EHMT1: variants seen among roughly 807,000 people sequenced by gnomAD.
EHMT1 encodes euchromatic histone lysine methyltransferase 1, also known as histone-lysine N-methyltransferase EHMT1.
A neutral mutation model predicts 147.2 loss-of-function variants in EHMT1; 15 were observed. The ratio of observed to expected loss-of-function variants is 0.10; its 90% CI spans 0.07 to 0.16. EHMT1 has a LOEUF of 0.16. EHMT1 is among the 10% of genes least tolerant of loss of function. EHMT1 has a pLI of 1.00. For missense variants in EHMT1, 1,587 were observed against 1,772.4 expected (o/e 0.90, Z 1.88); for synonymous variants, 795 against 709.6 (o/e 1.12, Z -1.91).
At chr9:137,710,750 A>T (rs11791658) in intron 1 of EHMT1, among the ~76,000 whole-genome samples, 1 of 152,016 alleles carries the variant, frequency 6.6e-6, no homozygotes, top group African/African-American at 2.4e-5. Flanking sequence ...ACTGTCTTCA[A>T]AAATAGAAAT....
chr9:137,776,575 C>G lies in EHMT1; in HGVS notation c.1792-43C>G. ...AGTACTTTATTTTTCTAAATATTAA[C>G]CCCAATTAAAACAAAAATTTTTTTT... On this transcript the variant is annotated intron_variant, in intron 11 of 26. Transcript: ENST00000460843. This position sits in a 1 kb window ranked among gnomAD's most constrained non-coding sequence, Gnocchi z 4.4. 1 of 1,599,370 alleles carries G rather than the reference C, an allele frequency of 6.3e-7. No individual in the cohort carries two copies. Among genetic ancestry groups the G allele is most frequent in the Non-Finnish European group, 8.6e-7 (1 of 1,167,560 alleles).
Position 137,776,472 on chromosome 9 carries a change from G to A in EHMT1, c.1792-146G>A. Reference sequence around the variant, plus strand: ...TCGTTCCTCCTTCTTAACGATGCCTGGGGCCAAGACTGGACCCCACCCCGA... The same window carrying A: ...TCGTTCCTCCTTCTTAACGATGCCTAGGGCCAAGACTGGACCCCACCCCGA... On this transcript the variant is annotated intron_variant, in intron 11 of 26. Coordinates refer to ENST00000460843, the MANE Select transcript of EHMT1 (RefSeq NM_024757.5). The surrounding 1 kb of genome is among the most constrained non-coding windows in gnomAD (Gnocchi z 4.4). The A allele has an allele frequency of 1.4e-6, 1 of 724,322 alleles. No homozygotes were observed. 44.9% of individuals were successfully genotyped at this position (724,322 alleles called of 1,614,324 possible). A position where few individuals can be genotyped will look rare whatever the true frequency, so the allele number is the denominator to read the frequency against.
rs756798332 is a variant in EHMT1, at chr9:137,782,254, C to A, written c.2276-37C>A. On this transcript the variant is annotated intron_variant, in intron 14 of 26. Transcript: ENST00000460843. This position sits in a 1 kb window ranked among gnomAD's most constrained non-coding sequence, Gnocchi z 5.7. ...AGTCCTGAGCTGGAGTCTGTGGCTA[C>A]ATCTGAAATCATTAATAAAACTGTG... 1 of 1,564,590 alleles carries A rather than the reference C, an allele frequency of 6.4e-7. No homozygotes were observed.
chr9:137,721,587 C>T (rs866099107), intron 3 of EHMT1, among the ~76,000 whole-genome samples: 28 of 145,160 alleles, frequency 1.9e-4, no homozygotes, highest in African/African-American at 6.7e-4. Flanking sequence ...CTCTCCCACG[C>T]CTCTCACCGT....
At chr9:137,826,156 G>C in intron 25 of EHMT1, among the ~76,000 whole-genome samples, 1 of 127,706 alleles carries the variant, frequency 7.8e-6, no homozygotes, top group African/African-American at 2.9e-5. Context: ...GGGGTGGGTG[G>C]GTGGGGCGGT....
intron 9 of EHMT1, 114 bp from the exon 10 acceptor site, chr9:137,762,561 A>G (rs1049691789): frequency 3.9e-6 from 6 of 1,556,812 alleles, no homozygotes; most frequent in African/African-American, 1.3e-5. Flanking sequence ...AATCAACCGC[A>G]TTGCTTTCAT....
intron 1 of EHMT1, among the ~76,000 whole-genome samples, chr9:137,669,028 G>C (rs1320801812): frequency 6.6e-6 from 1 of 152,066 alleles, no homozygotes; most frequent in Non-Finnish European, 1.5e-5. Flanking sequence ...CTGGGACCAC[G>C]TGCGTGCGCC....
intron 1 of EHMT1, among the ~76,000 whole-genome samples, chr9:137,634,823 T>G (rs1423797564): frequency 6.7e-6 from 1 of 148,560 alleles, no homozygotes; most frequent in Non-Finnish European, 1.5e-5. Context: ...CTGCCTCAGC[T>G]TCCCGAGTAG....
chr9:137,804,888 G>A (rs1411966699), intron 18 of EHMT1, among the ~76,000 whole-genome samples: 3 of 152,130 alleles, frequency 2.0e-5, no homozygotes, highest in Admixed American at 6.5e-5. Flanking sequence ...CTGCATTTGT[G>A]AGTCAGTTAC....
At chr9:137,788,342 G>A (rs554980236) in intron 15 of EHMT1, 10 of 369,838 alleles carry the variant, frequency 2.7e-5, no homozygotes, top group African/African-American at 1.9e-4. Flanking sequence ...GGACGTTGGC[G>A]AAGGCTCCAC....
intron 17 of EHMT1, among the ~76,000 whole-genome samples, chr9:137,799,744 C>A (rs1222005483): frequency 6.6e-6 from 1 of 152,252 alleles, no homozygotes; most frequent in Non-Finnish European, 1.5e-5. Flanking sequence ...AGCTTCTGTG[C>A]CCTCTTGGCT....
chr9:137,621,231 C>G (rs1185495664), intron 1 of EHMT1, among the ~76,000 whole-genome samples: 3 of 152,188 alleles, frequency 2.0e-5, no homozygotes, highest in Non-Finnish European at 2.9e-5. Flanking sequence ...CAACTCTGGC[C>G]TTCTGGACAG....
intron 3 of EHMT1, among the ~76,000 whole-genome samples, chr9:137,725,022 G>T: frequency 6.8e-6 from 1 of 147,784 alleles, no homozygotes; most frequent in African/African-American, 2.6e-5. Context: ...ACATGGGGCA[G>T]GCGTGTGGCC....
chr9:137,710,990 T>C lies in EHMT1; in HGVS notation c.45T>C (p.Pro15=), dbSNP rs749617180. Residue 15 remains proline, a synonymous_variant, in exon 2 of 27, where the codon CCT becomes CCC. Transcript: ENST00000460843. ...DAEAVPARGE[P]QQDCCVKTEL... is the part of the protein sequence containing the mutation. Reference sequence around the variant, plus strand: ...AGGCAGTTCCGGCGAGGGGGGAGCCTCAGCAGGATTGCTGTGTGAAAACCG... The same window carrying C: ...AGGCAGTTCCGGCGAGGGGGGAGCCCCAGCAGGATTGCTGTGTGAAAACCG... 1 of 1,599,354 alleles carries C rather than the reference T, an allele frequency of 6.3e-7. No homozygotes were observed.
chr9:137,731,402 C>T lies in EHMT1; in HGVS notation c.823+2873C>T, dbSNP rs1255909787. ...ACGTGTTAACTAGAGAGGAGCATGG[C>T]ATGCCCAGCTGCCTTGTCTTGTGAT... is the stretch of plus-strand genomic sequence containing the variant. On this transcript the variant is annotated intron_variant, in intron 4 of 26. Coordinates refer to ENST00000460843, the MANE Select transcript of EHMT1 (RefSeq NM_024757.5). This position sits in a 1 kb window ranked among gnomAD's most constrained non-coding sequence, Gnocchi z 4.3. Among the ~76,000 whole-genome samples, 1 of 152,196 alleles carries T rather than the reference C, an allele frequency of 6.6e-6. No homozygotes were observed. Among genetic ancestry groups the T allele is most frequent in the African/African-American group, 2.4e-5 (1 of 41,452 alleles).
At chr9:137,626,029 AT>A (rs768825527) in intron 1 of EHMT1, among the ~76,000 whole-genome samples, 435 of 111,482 alleles carry the variant, frequency 3.9e-3, no homozygotes, top group East Asian at 6.2e-3. Context: ...CTAATTTTGT[AT>A]TTTTTTTTTT....
Position 137,810,003 on chromosome 9 carries a change from C to G in EHMT1, c.2713-1458C>G, listed in dbSNP as rs1241148311. Among the ~76,000 whole-genome samples, 5 of 113,534 alleles carry G rather than the reference C, an allele frequency of 4.4e-5. 1 individual carries two copies. The East Asian group carries it at 1.2e-3, about 27-fold the overall frequency. The allele number at this position is 113,534 out of a possible 152,430, so 74.5% of individuals were successfully genotyped here. A position where few individuals can be genotyped will look rare whatever the true frequency, so the allele number is the denominator to read the frequency against. On this transcript the variant is annotated intron_variant, in intron 18 of 26. Transcript: ENST00000460843. ...GTCCGGAGGCGGTTCCGATGCTGCC[C>G]CTCGTGGACTGTGGGTGATGGGTCC... is the stretch of plus-strand genomic sequence containing the variant.
At chr9:137,623,377 G>A (rs931522054) in intron 1 of EHMT1, among the ~76,000 whole-genome samples, 5 of 151,920 alleles carry the variant, frequency 3.3e-5, no homozygotes, top group African/African-American at 9.7e-5. Flanking sequence ...GGTGTGGTAA[G>A]CGGTGAACTT....
At chr9:137,695,287 C>G (rs1319973769) in intron 1 of EHMT1, among the ~76,000 whole-genome samples, 2 of 152,174 alleles carry the variant, frequency 1.3e-5, no homozygotes, top group Non-Finnish European at 2.9e-5. Context: ...GAGCCTAGGC[C>G]TTGGTGGCAG....
Sources: gnomAD v4.1 joint callset for allele counts (sites outside exome capture counted in the v4.1 genomes callset) on GRCh38, gnomAD v4.1.1 for gene constraint, Gnocchi (gnomAD v3.1) non-coding constraint, MANE v1.5 for transcripts, NCBI Gene and HGNC (gene_info 2026-07-23, HGNC 2026-07-21) for gene names.